The following GDPD5 variants were observed in gnomAD, a reference collection of about 807,000 sequenced individuals.
GDPD5 encodes the protein glycerophosphodiester phosphodiesterase 2.
GDPD5 carries 48 observed loss-of-function variants against 75.1 expected under a neutral mutation model. The ratio of observed to expected loss-of-function variants is 0.64; its 90% CI spans 0.51 to 0.81. The LOEUF (loss-of-function observed/expected upper bound fraction) is 0.81. Among genes scored for constraint, GDPD5 ranks in the 40% least tolerant of loss-of-function variants. The probability of loss-of-function intolerance (pLI) is 0.00; values close to 1 mark genes in which losing one functional copy is unlikely to be tolerated. For missense variants in GDPD5, 706 were observed against 822.6 expected (o/e 0.86, Z 1.73); for synonymous variants, 336 against 339.0 (o/e 0.99, Z 0.10).
intron 9 of GDPD5, among the ~76,000 whole-genome samples, chr11:75,445,034 A>G (rs1217298026): frequency 6.6e-6 from 1 of 152,152 alleles, no homozygotes; most frequent in Admixed American, 6.5e-5. Context: ...CTATATAAAC[A>G]TGACAGCATT....
intron 12 of GDPD5, 21 bp downstream of exon 12, chr11:75,442,342 A>T: frequency 6.5e-7 from 1 of 1,528,952 alleles, no homozygotes; most frequent in Non-Finnish European, 8.8e-7. Context: ...CCGGGGGCAG[A>T]GCTGCGTTGC....
chr11:75,516,967 G>A (rs1950651104), intron 1 of GDPD5, among the ~76,000 whole-genome samples: 1 of 152,168 alleles, frequency 6.6e-6, no homozygotes, highest in African/African-American at 2.4e-5. Context: ...AATGCAGTTT[G>A]GTTCTAAGCT....
At chr11:75,463,724 C>T (rs1441562906) in intron 3 of GDPD5, among the ~76,000 whole-genome samples, 1 of 152,200 alleles carries the variant, frequency 6.6e-6, no homozygotes, top group Admixed American at 6.5e-5. Context: ...CGTCTGAGCT[C>T]CCTGCTATGT....
In GDPD5 at chr11:75,442,991, G is replaced by C. The variant is rs562232207; in HGVS notation, c.948+145C>G. 3.4e-6 allele frequency: 3 copies of C among 879,604 alleles called. No individual in the cohort carries two copies. The African/African-American group carries it at 5.0e-5, about 15-fold the overall frequency. 54.5% of individuals were successfully genotyped at this position (879,604 alleles called of 1,614,324 possible). On this transcript the variant is annotated intron_variant, in intron 11 of 16. Coordinates refer to ENST00000336898, the MANE Select transcript of GDPD5 (RefSeq NM_030792.8). Reference sequence around the variant, plus strand: ...GTCTGGCAGCAGTGGCAGGAGCCTAGGAGGCCACTAAGCAGCTTGGGTGGA... The same window carrying C: ...GTCTGGCAGCAGTGGCAGGAGCCTACGAGGCCACTAAGCAGCTTGGGTGGA...
At chr11:75,494,368 CCA>C (rs1235314283) in intron 1 of GDPD5, among the ~76,000 whole-genome samples, 3 of 151,984 alleles carry the variant, frequency 2.0e-5, no homozygotes. Context: ...CAGGCATGTG[CCA>C]CCATGCCCAA....
chr11:75,511,646 T>C (rs2135486399), intron 1 of GDPD5, among the ~76,000 whole-genome samples: 1 of 152,256 alleles, frequency 6.6e-6, no homozygotes. Flanking sequence ...AGGGTGTCTG[T>C]GGCTGCCACC....
chr11:75,471,940 T>A (rs919667302), intron 3 of GDPD5, among the ~76,000 whole-genome samples: 2 of 152,204 alleles, frequency 1.3e-5, no homozygotes, highest in African/African-American at 4.8e-5. Flanking sequence ...ATAGGAATCC[T>A]GCAGTTTTAG....
chr11:75,449,888 C>T lies in GDPD5; in HGVS notation c.471G>A (p.Leu157=). Residue 157 remains leucine (L), a synonymous_variant, in exon 7 of 17, where the codon CTG becomes CTA. Transcript: ENST00000336898. ...CTGGGGGACCCTCCTCACTCACCTGCAGGGAGATCAGCAGCACCTCCCACT... is the reference window on the plus strand; with the variant it reads ...CTGGGGGACCCTCCTCACTCACCTGTAGGGAGATCAGCAGCACCTCCCACT... The part of the protein sequence containing the change: ...EDEWEVLLIS[L]QGTAPFLHVG... 1 of 1,613,154 alleles carries T rather than the reference C, an allele frequency of 6.2e-7. No individual in the cohort carries two copies. The highest frequency in any genetic ancestry group is 8.5e-7 in the Non-Finnish European group (1 of 1,179,442).
chr11:75,457,713 C>T lies in GDPD5; in HGVS notation c.295G>A (p.Ala99Thr), dbSNP rs143420998. 1.5e-5 allele frequency: 25 copies of T among 1,613,960 alleles called. No individual in the cohort carries two copies. Among genetic ancestry groups the T allele is most frequent in the Middle Eastern group, 1.6e-4 (1 of 6,078 alleles). ...PILVTTAAAF[A>T]YIAGLLVLAL... ...TGTACCAGGAGGCCAGCGATGTATGCGAAGGCAGCAGCTGTGGTCACAAGG... is the reference window on the plus strand; with the variant it reads ...TGTACCAGGAGGCCAGCGATGTATGTGAAGGCAGCAGCTGTGGTCACAAGG... The change falls in exon 5 of 17, where the codon GCA becomes ACA. Residue 99 changes from alanine (A) to threonine (T), a missense_variant. Physicochemically the swap from Ala to Thr is moderately conservative, Grantham distance 58. Coordinates refer to ENST00000336898, the MANE Select transcript of GDPD5 (RefSeq NM_030792.8).
intron 1 of GDPD5, among the ~76,000 whole-genome samples, chr11:75,521,136 C>G (rs956658036): frequency 1.3e-5 from 2 of 152,174 alleles, no homozygotes; most frequent in Non-Finnish European, 2.9e-5. Context: ...TCCCCATAGA[C>G]ATGGACACAC....
intron 1 of GDPD5, among the ~76,000 whole-genome samples, chr11:75,510,970 A>G (rs1468571308): frequency 6.6e-6 from 1 of 152,220 alleles, no homozygotes; most frequent in African/African-American, 2.4e-5. Context: ...CTTTTAAGGC[A>G]TGTATTTAAG....
intron 3 of GDPD5, among the ~76,000 whole-genome samples, chr11:75,477,105 G>T (rs915696906): frequency 6.6e-6 from 1 of 152,216 alleles, no homozygotes; most frequent in Non-Finnish European, 1.5e-5. Flanking sequence ...TGCAGCTTAG[G>T]TCTGGCCTGG....
chr11:75,477,810 A>G lies in GDPD5; in HGVS notation c.-60-15T>C. On this transcript the variant is annotated splice_polypyrimidine_tract_variant and intron_variant, in intron 2 of 16. Coordinates refer to ENST00000336898, the MANE Select transcript of GDPD5 (RefSeq NM_030792.8). ...CCCAGCTTGTCCTGCAGGAGGAAGC[A>G]CAGGGCAGTGAGGCAGGGGAAGGGT... The G allele has an allele frequency of 9.7e-7, 1 of 1,031,168 alleles. No individual in the cohort carries two copies. The highest frequency in any genetic ancestry group is 2.5e-5 in the East Asian group (1 of 39,300). 63.9% of individuals were successfully genotyped at this position (1,031,168 alleles called of 1,614,324 possible).
chr11:75,452,841 T>A (rs1167882684), intron 6 of GDPD5: 2 of 152,268 alleles, frequency 1.3e-5, no homozygotes, highest in South Asian at 2.1e-4. Context: ...TACCCAGTGC[T>A]CCTCTCTGGG....
intron 3 of GDPD5, among the ~76,000 whole-genome samples, chr11:75,466,500 G>A (rs1407454810): frequency 1.3e-5 from 2 of 152,172 alleles, no homozygotes; most frequent in East Asian, 3.9e-4. Context: ...CCACCCATTA[G>A]CAAGCCAATC....
intron 1 of GDPD5, among the ~76,000 whole-genome samples, chr11:75,506,463 G>A (rs539197853): frequency 6.6e-6 from 1 of 152,180 alleles, no homozygotes; most frequent in African/African-American, 2.4e-5. Context: ...GGCCTGGCTG[G>A]GAGGCCTGAT....
At chr11:75,457,885 G>C (rs1424139863) in intron 4 of GDPD5, 99 bp from the exon 5 acceptor site, 7 of 862,204 alleles carry the variant, frequency 8.1e-6, no homozygotes, top group Non-Finnish European at 1.1e-5. Flanking sequence ...GACAGGCTGG[G>C]CTCAGTGACC....
At chr11:75,495,196 G>A (rs914158260) in intron 1 of GDPD5, among the ~76,000 whole-genome samples, 11 of 151,914 alleles carry the variant, frequency 7.2e-5, no homozygotes, top group Non-Finnish European at 1.2e-4. Context: ...GAACCCGGAA[G>A]GTAGAGGTTG....
At chr11:75,470,196 A>G (rs1949628504) in intron 3 of GDPD5, among the ~76,000 whole-genome samples, 2 of 152,208 alleles carry the variant, frequency 1.3e-5, no homozygotes, top group Non-Finnish European at 2.9e-5. Context: ...AGAGAAAAGG[A>G]GCAGAGGGCG....
Sources: gnomAD v4.1 joint callset for allele counts (sites outside exome capture counted in the v4.1 genomes callset) on GRCh38, gnomAD v4.1.1 for gene constraint, MANE v1.5 for transcripts, NCBI Gene and HGNC (gene_info 2026-07-23, HGNC 2026-07-21) for gene names.